Variants in ZNF567 observed in about 807,000 individuals in gnomAD.
ZNF567 encodes the protein zinc finger protein 567.
In ZNF567, 36 loss-of-function variants were observed where a neutral mutation model predicts 53.9. That is an observed-to-expected ratio of 0.67 (90% CI 0.51 to 0.88). The LOEUF (loss-of-function observed/expected upper bound fraction) is 0.88, where lower values mean the gene tolerates loss of function less well. Ranked by LOEUF, ZNF567 falls within the 40% of genes least tolerant of loss-of-function variation. The pLI is 0.00. For missense variants in ZNF567, 619 were observed against 764.7 expected, an observed-to-expected ratio of 0.81 and a Z score of 2.25; for synonymous variants, 224 against 260.4, an observed-to-expected ratio of 0.86 and a Z score of 1.35.
intron 3 of ZNF567, among the ~76,000 whole-genome samples, chr19:36,700,806 T>C (rs532046199): frequency 1.3e-5 from 2 of 152,312 alleles, no homozygotes; most frequent in Admixed American, 6.5e-5. Flanking sequence ...ATTTGATTCT[T>C]TTCTCTTTTT....
At chr19:36,698,060 G>T (rs1220967136) in intron 3 of ZNF567, among the ~76,000 whole-genome samples, 1 of 151,416 alleles carries the variant, frequency 6.6e-6, no homozygotes, top group African/African-American at 2.4e-5. Flanking sequence ...ATCTCCTAAT[G>T]CTATCCCTCC....
chr19:36,726,228 T>G (rs1225610198), downstream of ZNF567, among the ~76,000 whole-genome samples: 1 of 152,250 alleles, frequency 6.6e-6, no homozygotes, highest in East Asian at 1.9e-4. Flanking sequence ...TTTTATGATG[T>G]CTGCTTCATG....
intron 3 of ZNF567, among the ~76,000 whole-genome samples, chr19:36,695,640 A>T (rs1034165666): frequency 5.3e-5 from 8 of 151,892 alleles, no homozygotes; most frequent in Non-Finnish European, 8.8e-5. Flanking sequence ...CAGGTCTACA[A>T]TGAGCCATGA....
At chr19:36,723,547 C>T (rs1249177191), downstream of ZNF567, among the ~76,000 whole-genome samples, 1 of 152,022 alleles carries the variant, frequency 6.6e-6, no homozygotes, top group Non-Finnish European at 1.5e-5. Flanking sequence ...AACTTTGAAA[C>T]TTTTGAGGCT....
the ZNF567 span, among the ~76,000 whole-genome samples, chr19:36,677,851 G>T: frequency 6.6e-5 from 10 of 151,802 alleles, no homozygotes; most frequent in Non-Finnish European, 1.3e-4. Flanking sequence ...TTCTTTCATT[G>T]TGAGTCTCTT....
chr19:36,677,709 G>A, the ZNF567 span, among the ~76,000 whole-genome samples: 2 of 152,142 alleles, frequency 1.3e-5, no homozygotes, highest in African/African-American at 4.8e-5. Flanking sequence ...GGAGTTTGCA[G>A]TGAGCTGAGA....
At chr19:36,669,162 G>A in the ZNF567 span, 2 of 152,162 alleles carry the variant, frequency 1.3e-5, no homozygotes, top group Non-Finnish European at 2.9e-5. Context: ...TAAGGGACTT[G>A]AGCATCTGTG....
Position 36,712,823 on chromosome 19 carries a change from G to A in ZNF567, c.179G>A (p.Arg60Gln). 1.9e-6 allele frequency: 3 copies of A among 1,613,616 alleles called. No individual in the cohort carries two copies. The highest frequency in any genetic ancestry group is 2.2e-5 in the South Asian group (2 of 91,070). ...CCTGATGTGATCCTCAAGTTGGAAC[G>A]AGGAGAAGAGCCATGGACATCATTT... Reference protein sequence around the residue: ...TKPDVILKLERGEEPWTSFAG... With the variant: ...TKPDVILKLEQGEEPWTSFAG... The change falls in exon 5 of 6, where the codon CGA (arginine) becomes CAA (glutamine). Residue 60 changes from arginine (R) to glutamine (Q), a missense_variant. Physicochemically the swap from Arg to Gln is conservative, Grantham distance 43 (BLOSUM62 1). Transcript: ENST00000682579.
At chr19:36,700,706 G>A (rs1052714166) in intron 3 of ZNF567, among the ~76,000 whole-genome samples, 44 of 152,160 alleles carry the variant, frequency 2.9e-4, no homozygotes, top group African/African-American at 1.1e-3. Context: ...TAGTTTATTT[G>A]CGTAGAGGTG....
intron 3 of ZNF567, among the ~76,000 whole-genome samples, chr19:36,702,606 T>C (rs1269957253): frequency 6.6e-6 from 1 of 152,194 alleles, no homozygotes; most frequent in Non-Finnish European, 1.5e-5. Flanking sequence ...CCATATTTCT[T>C]GGAGGCTTTG....
downstream of ZNF567, chr19:36,723,094 T>C: frequency 1.5e-6 from 1 of 681,596 alleles, no homozygotes; most frequent in Non-Finnish European, 2.7e-6. Context: ...ATTGTGAATT[T>C]ATAGGGGAGT....
intron 2 of ZNF567, among the ~76,000 whole-genome samples, chr19:36,693,794 T>C (rs2038739663): frequency 6.6e-6 from 1 of 152,280 alleles, no homozygotes; most frequent in South Asian, 2.1e-4. Flanking sequence ...GTTTTGATGA[T>C]TGAAGGAAAT....
In ZNF567 at chr19:36,712,755, A is replaced by T. The variant is rs191355435; in HGVS notation, c.137-26A>T. On this transcript the variant is annotated intron_variant, in intron 4 of 5. Transcript: ENST00000682579. Reference sequence around the variant, plus strand: ...TTTCAGTGGTATTATAGCCCAATCAACTTAAGTCTTTTTTTCACTTTTCAG... The same window carrying T: ...TTTCAGTGGTATTATAGCCCAATCATCTTAAGTCTTTTTTTCACTTTTCAG... The T allele has an allele frequency of 2.5e-6, 4 of 1,605,212 alleles. No homozygotes were observed. In the African/African-American group the frequency reaches 4.0e-5, roughly 16 times the overall value.
At position 36,720,744 on chromosome 19, in the gene ZNF567, C is replaced by A. The variant is rs1041564163; in HGVS notation, c.*76C>A. 2 of 1,293,080 alleles carry A rather than the reference C, an allele frequency of 1.5e-6. No individual in the cohort carries two copies. The highest frequency in any genetic ancestry group is 3.5e-5 in the South Asian group (2 of 56,604). 80.1% of individuals were successfully genotyped at this position (1,293,080 alleles called of 1,614,324 possible). ...TTTTAAAAAGAAAAGCATGCTGAAA[C>A]ATGTTAATGTAATTTTAAATCACAA... On this transcript the variant is annotated 3_prime_UTR_variant, in exon 6 of 6. Coordinates refer to ENST00000682579, the MANE Select transcript of ZNF567 (RefSeq NM_001322917.1).
In ZNF567 at chr19:36,719,368, G is replaced by C; in HGVS notation, c.644G>C (p.Cys215Ser). ...TPAQSFGYNDCEKSFLQRGGL... is the reference protein window; with the variant it reads ...TPAQSFGYNDSEKSFLQRGGL... The stretch of plus-strand genomic sequence containing the variant: ...GCACAGTCATTTGGATATAATGACT[G>C]TGAGAAATCATTCCTTCAAAGGGGA... Residue 215 changes from cysteine to serine, a missense_variant, in exon 6 of 6, where the codon TGT becomes TCT. Physicochemically the swap from Cys to Ser is moderately radical, Grantham distance 112. Coordinates refer to ENST00000682579, the MANE Select transcript of ZNF567 (RefSeq NM_001322917.1). 1.9e-6 allele frequency: 3 copies of C among 1,613,854 alleles called. No homozygotes were observed. The highest frequency in any genetic ancestry group is 2.5e-6 in the Non-Finnish European group (3 of 1,179,964).
intron 5 of ZNF567, among the ~76,000 whole-genome samples, chr19:36,714,785 A>G (rs1355545442): frequency 2.6e-5 from 4 of 152,172 alleles, no homozygotes. Context: ...AATTCCTTGA[A>G]TGCTTATTTA....
At chr19:36,704,336 G>A (rs1042911002) in intron 3 of ZNF567, among the ~76,000 whole-genome samples, 2 of 152,090 alleles carry the variant, frequency 1.3e-5, no homozygotes, top group Non-Finnish European at 2.9e-5. Context: ...CAGGAGAATC[G>A]CTTGAACCCA....
At chr19:36,706,262 C>G (rs528260638) in intron 3 of ZNF567, among the ~76,000 whole-genome samples, 2 of 152,284 alleles carry the variant, frequency 1.3e-5, no homozygotes, top group Admixed American at 1.3e-4. Flanking sequence ...GGCCCTACTT[C>G]GTAATACTAT....
chr19:36,672,341 C>T, the ZNF567 span, among the ~76,000 whole-genome samples: 1 of 152,122 alleles, frequency 6.6e-6, no homozygotes, highest in South Asian at 2.1e-4. Flanking sequence ...ATATGGACCT[C>T]GCTGAACAGG....
Sources: allele counts gnomAD v4.1 joint callset (sites outside exome capture counted in the v4.1 genomes callset), GRCh38; gene constraint gnomAD v4.1.1; transcripts MANE v1.5; gene names NCBI Gene and HGNC (gene_info 2026-07-23, HGNC 2026-07-21).